IRF8: variants seen among roughly 807,000 people sequenced by gnomAD.
IRF8 encodes the protein interferon consensus sequence binding protein 1.
In IRF8, 14 loss-of-function variants were observed where a neutral mutation model predicts 48.7. The observed-to-expected ratio is 0.29, with a 90% CI of 0.19 to 0.45. The LOEUF (loss-of-function observed/expected upper bound fraction) is 0.45. Among genes scored for constraint, IRF8 ranks in the 20% least tolerant of loss-of-function variants. The pLI is 1.00. For missense variants in IRF8, 493 were observed against 580.7 expected (o/e 0.85, Z 1.55); for synonymous variants, 278 against 227.3 (o/e 1.22, Z -2.01).
chr16:85,905,618 C>T (rs1904976004), intron 2 of IRF8, among the ~76,000 whole-genome samples: 1 of 152,172 alleles, frequency 6.6e-6, no homozygotes, highest in African/African-American at 2.4e-5. Context: ...AAGAGCCCAT[C>T]ATGTGCTTCC....
At chr16:85,919,611 G>A (rs1191964687) in intron 7 of IRF8, among the ~76,000 whole-genome samples, 2 of 152,218 alleles carry the variant, frequency 1.3e-5, no homozygotes, top group African/African-American at 2.4e-5. Context: ...GTACATTCCC[G>A]GGCCTACCTC....
chr16:85,914,524 C>T lies in IRF8; in HGVS notation c.601+4C>T, dbSNP rs201757188. The T allele has an allele frequency of 1.0e-4, 166 of 1,613,902 alleles. No homozygotes were observed. Among genetic ancestry groups the T allele is most frequent in the Admixed American group, 1.3e-4 (8 of 59,994 alleles). ...ACCTACGACGCGCACCATTCAGGTACGGGGTGGTCCGGGCTGAGAGGGGCG... is the reference window on the plus strand; with the variant it reads ...ACCTACGACGCGCACCATTCAGGTATGGGGTGGTCCGGGCTGAGAGGGGCG... On this transcript the variant is annotated splice_donor_region_variant and intron_variant, in intron 6 of 8. Coordinates refer to ENST00000268638, the MANE Select transcript of IRF8 (RefSeq NM_002163.4).
At chr16:85,905,874 A>G (rs549383218) in intron 2 of IRF8, among the ~76,000 whole-genome samples, 72 of 152,372 alleles carry the variant, frequency 4.7e-4, no homozygotes, top group African/African-American at 1.7e-3. Context: ...GGGGCCACTT[A>G]TACCAGAAAA....
At chr16:85,911,720 A>T (rs1179157692) in intron 4 of IRF8, 62 bp downstream of exon 4, 1 of 1,417,828 alleles carries the variant, frequency 7.1e-7, no homozygotes, top group African/African-American at 1.4e-5. Context: ...GTCTTCTGGC[A>T]GGGAGGGGCA....
chr16:85,918,810 A>G lies in IRF8; in HGVS notation c.988+7A>G. 1 of 1,606,062 alleles carries G rather than the reference A, an allele frequency of 6.2e-7. No individual in the cohort carries two copies. Among genetic ancestry groups the G allele is most frequent in the Non-Finnish European group, 8.5e-7 (1 of 1,179,992 alleles). Reference sequence around the variant, plus strand: ...ACCAGCCAGTTCTTCCGAGGTCTGTACCGTCGTCACCTTGCTGCCCCCACA... The same window carrying G: ...ACCAGCCAGTTCTTCCGAGGTCTGTGCCGTCGTCACCTTGCTGCCCCCACA... On this transcript the variant is annotated splice_region_variant and intron_variant, in intron 7 of 8. Coordinates refer to ENST00000268638, the MANE Select transcript of IRF8 (RefSeq NM_002163.4).
chr16:85,911,791 C>G (rs1361921220), intron 4 of IRF8, 133 bp downstream of exon 4: 2 of 733,824 alleles, frequency 2.7e-6, no homozygotes, highest in Non-Finnish European at 4.7e-6. Flanking sequence ...GGCATCTCCA[C>G]CTGTACAGAT....
Position 85,911,414 on chromosome 16 carries a change from C to T in IRF8, c.359-156C>T, listed in dbSNP as rs435471. On this transcript the variant is annotated intron_variant, in intron 3 of 8. Transcript: ENST00000268638. ...GACTTTGCTGATCAGATGACTGAAG[C>T]ATGGGAAAAAAATTCTGTGCCTTTC... Among the ~76,000 whole-genome samples, 918 of 152,306 alleles carry T rather than the reference C, an allele frequency of 6.0e-3. 16 individuals are homozygous for T. Among genetic ancestry groups the T allele is most frequent in the African/African-American group, 0.021 (865 of 41,574 alleles).
At chr16:85,919,581 A>G (rs569264450) in intron 7 of IRF8, among the ~76,000 whole-genome samples, 8 of 152,330 alleles carry the variant, frequency 5.3e-5, no homozygotes, top group Admixed American at 2.6e-4. Flanking sequence ...GCAGAGCGGC[A>G]CAGAAGTGCG....
chr16:85,899,833 T>C (rs531517029), intron 1 of IRF8, among the ~76,000 whole-genome samples: 1 of 152,222 alleles, frequency 6.6e-6, no homozygotes, highest in African/African-American at 2.4e-5. Flanking sequence ...TGAAAGAACA[T>C]TGTTTGTAAA....
At chr16:85,904,582 ATCT>A (rs1904931601) in intron 2 of IRF8, among the ~76,000 whole-genome samples, 1 of 152,212 alleles carries the variant, frequency 6.6e-6, no homozygotes, top group Non-Finnish European at 1.5e-5. Flanking sequence ...GAGGTTGCTG[ATCT>A]TCTTGAGAAT....
chr16:85,920,722 C>T (rs1017153556), intron 8 of IRF8, among the ~76,000 whole-genome samples: 10 of 152,198 alleles, frequency 6.6e-5, no homozygotes, highest in African/African-American at 2.2e-4. Flanking sequence ...GTGTCTGGGA[C>T]GCGCACAGTC....
chr16:85,903,685 G>A (rs1597249341), intron 2 of IRF8, among the ~76,000 whole-genome samples: 1 of 152,176 alleles, frequency 6.6e-6, no homozygotes, highest in Non-Finnish European at 1.5e-5. Flanking sequence ...TGCAGCAGAT[G>A]TCTAAAAATA....
chr16:85,915,544 C>T lies in IRF8; in HGVS notation c.601+1024C>T, dbSNP rs923581373. Among the ~76,000 whole-genome samples the T allele has an allele frequency of 8.5e-5, 13 of 152,346 alleles. 1 individual carries two copies. The highest frequency in any genetic ancestry group is 1.9e-4 in the East Asian group (1 of 5,184). On this transcript the variant is annotated intron_variant, in intron 6 of 8. Transcript: ENST00000268638. ...TTGAGCTGGGGGGTTGTTTTCACTC[C>T]GGCTTCACAGATGAGGAGACTGAGG...
chr16:85,918,890 T>G, intron 7 of IRF8, 87 bp downstream of exon 7: 1 of 1,534,054 alleles, frequency 6.5e-7, no homozygotes, highest in Non-Finnish European at 8.9e-7. Context: ...GGTGGCCCTG[T>G]GGTCTCATGG....
intron 6 of IRF8, among the ~76,000 whole-genome samples, chr16:85,914,787 C>G (rs1172610638): frequency 6.6e-6 from 1 of 151,498 alleles, no homozygotes; most frequent in Non-Finnish European, 1.5e-5. Context: ...TGAGCAGGAC[C>G]TCGTGTGGAA....
rs764636779 is a variant in IRF8 at position 85,909,069 on chromosome 16, C to T, written c.254C>T (p.Ala85Val). The T allele has an allele frequency of 6.2e-7, 1 of 1,614,116 alleles. No individual in the cohort carries two copies. The stretch of plus-strand genomic sequence containing the variant: ...ACTTGGAAGACGAGGTTACGCTGTG[C>T]TTTGAATAAGAGCCCAGATTTTGAG... ...PATWKTRLRC[A>V]LNKSPDFEEV... is the part of the protein sequence containing the mutation. Residue 85 changes from alanine (A) to valine (V), a missense_variant, in exon 3 of 9, where the codon GCT becomes GTT. Ala to Val is a moderately conservative substitution (Grantham distance 64). Coordinates refer to ENST00000268638, the MANE Select transcript of IRF8 (RefSeq NM_002163.4).
intron 2 of IRF8, among the ~76,000 whole-genome samples, chr16:85,904,568 A>G (rs558456625): frequency 3.9e-5 from 6 of 152,210 alleles, no homozygotes; most frequent in Non-Finnish European, 8.8e-5. Flanking sequence ...TAAATCTGCA[A>G]TTTGAGGTTG....
chr16:85,914,063 C>T, intron 5 of IRF8: 2 of 263,908 alleles, frequency 7.6e-6, no homozygotes, highest in Non-Finnish European at 1.5e-5. Flanking sequence ...GGAAAGGCAC[C>T]TCTGTCTGTG....
intron 1 of IRF8, chr16:85,902,696 T>C: frequency 2.5e-6 from 1 of 396,238 alleles, no homozygotes; most frequent in South Asian, 2.2e-5. Flanking sequence ...AGCTGTTCAC[T>C]GTGGTTGTAT....
Sources: allele counts gnomAD v4.1 joint callset (sites outside exome capture counted in the v4.1 genomes callset), GRCh38; gene constraint gnomAD v4.1.1; transcripts MANE v1.5; gene names NCBI Gene and HGNC (gene_info 2026-07-23, HGNC 2026-07-21).